The following RAVER2 variants were observed in gnomAD, a reference collection of about 807,000 sequenced individuals.
The protein encoded by RAVER2 is ribonucleoprotein PTB-binding 2.
A neutral mutation model predicts 78.1 loss-of-function variants in RAVER2; 46 were observed. That is an observed-to-expected ratio of 0.59 (90% CI 0.46 to 0.75). RAVER2 has a LOEUF of 0.75. RAVER2 is among the 30% of genes least tolerant of loss of function. The probability of loss-of-function intolerance (pLI) is 0.00; values close to 1 mark genes in which losing one functional copy is unlikely to be tolerated. For synonymous variants in RAVER2, 311 were observed against 313.3 expected, an observed-to-expected ratio of 0.99 and a Z score of 0.08; for missense variants, 793 against 837.5, an observed-to-expected ratio of 0.95 and a Z score of 0.66.
chr1:64,760,988 T>G (rs1652004436), intron 1 of RAVER2, among the ~76,000 whole-genome samples: 2 of 152,178 alleles, frequency 1.3e-5, no homozygotes, highest in Admixed American at 6.5e-5. Flanking sequence ...GTCACTTAGT[T>G]TTTCTAGGCC....
At chr1:64,763,200 G>A (rs993565334) in intron 1 of RAVER2, among the ~76,000 whole-genome samples, 2 of 152,136 alleles carry the variant, frequency 1.3e-5, no homozygotes, top group African/African-American at 4.8e-5. Context: ...AGGAGGCTGA[G>A]GCAGGAGAAT....
At chr1:64,830,908 G>A (rs546314803) in exon 12 of RAVER2, 1 of 1,613,672 alleles carries the variant, frequency 6.2e-7, no homozygotes, top group Non-Finnish European at 8.5e-7. Context: ...TGGTTCAGTG[G>A]AATGTGTTGA....
intron 11 of RAVER2, among the ~76,000 whole-genome samples, chr1:64,823,292 C>T (rs890504676): frequency 2.0e-5 from 3 of 152,176 alleles, no homozygotes; most frequent in Non-Finnish European, 4.4e-5. Context: ...AATTAGAAAT[C>T]AGTTTTAAAT....
intron 3 of RAVER2, 86 bp downstream of exon 3, chr1:64,778,178 T>C (rs1218096347): frequency 1.0e-6 from 1 of 987,324 alleles, no homozygotes; most frequent in Non-Finnish European, 1.5e-6. Context: ...TTATCATACC[T>C]GTGTGATTAA....
exon 12 of RAVER2, chr1:64,832,017 T>C (rs1184172483): frequency 6.9e-6 from 1 of 145,940 alleles, no homozygotes; most frequent in Non-Finnish European, 1.5e-5. Flanking sequence ...CTAATTCTAA[T>C]AGCAACTATT....
chr1:64,777,258 A>G (rs17126973), intron 2 of RAVER2, among the ~76,000 whole-genome samples: 3,170 of 152,262 alleles, frequency 0.021, 114 homozygotes, highest in African/African-American at 0.073. Context: ...AAGTCTTCAT[A>G]AAATTTTATA....
intron 2 of RAVER2, among the ~76,000 whole-genome samples, chr1:64,773,772 G>A (rs970350676): frequency 5.9e-5 from 9 of 152,182 alleles, no homozygotes; most frequent in Non-Finnish European, 1.3e-4. Flanking sequence ...TTCCACAGTG[G>A]TTGAACTAAT....
chr1:64,764,909 A>G (rs1652133528), intron 1 of RAVER2, among the ~76,000 whole-genome samples: 1 of 152,358 alleles, frequency 6.6e-6, no homozygotes, highest in Non-Finnish European at 1.5e-5. Context: ...GATTATAGAT[A>G]TTAACCACAT....
intron 2 of RAVER2, 57 bp from the exon 3 acceptor site, chr1:64,777,566 T>G: frequency 7.1e-7 from 1 of 1,400,378 alleles, no homozygotes; most frequent in Non-Finnish European, 9.8e-7. Flanking sequence ...AAGATATATT[T>G]CTTACTGTGT....
At chr1:64,778,494 G>A (rs999345930) in intron 3 of RAVER2, among the ~76,000 whole-genome samples, 11 of 152,202 alleles carry the variant, frequency 7.2e-5, no homozygotes, top group Middle Eastern at 6.8e-3. Context: ...AGAAGAGACG[G>A]ACAAGTAAGC....
chr1:64,778,317 A>G (rs1259350050), intron 3 of RAVER2, among the ~76,000 whole-genome samples: 3 of 152,140 alleles, frequency 2.0e-5, no homozygotes, highest in Non-Finnish European at 4.4e-5. Context: ...TAGCAAATCC[A>G]TTGCTTACTC....
chr1:64,785,460 G>A (rs12117665), intron 4 of RAVER2, among the ~76,000 whole-genome samples: 29,666 of 150,052 alleles, frequency 0.2, 3,123 homozygotes, highest in East Asian at 0.28. Context: ...ACCTCCGCCT[G>A]CCGGGTTCAA....
rs374668772 is a variant in RAVER2, at chr1:64,770,562, G to A, written c.316+1840G>A. Among the ~76,000 whole-genome samples, 363 of 152,060 alleles carry A rather than the reference G, an allele frequency of 2.4e-3. 3 individuals carry two copies. Among genetic ancestry groups the A allele is most frequent in the African/African-American group, 8.4e-3 (349 of 41,518 alleles). On this transcript the variant is annotated intron_variant, in intron 2 of 11. Coordinates refer to ENST00000294428, the Ensembl canonical transcript of RAVER2. Reference sequence around the variant, plus strand: ...ATGTCAGACATCCAATAAAAAAGTAGCAGACATGATGAAGAAGCAGGAAAA... The same window carrying A: ...ATGTCAGACATCCAATAAAAAAGTAACAGACATGATGAAGAAGCAGGAAAA...
At chr1:64,804,557 C>T (rs1653358486) in intron 6 of RAVER2, among the ~76,000 whole-genome samples, 177 bp from the exon 7 acceptor site, 1 of 152,100 alleles carries the variant, frequency 6.6e-6, no homozygotes, top group African/African-American at 2.4e-5. Context: ...GCATGGCCCC[C>T]TCTTGTGTAT....
exon 12 of RAVER2, chr1:64,830,890 C>T (rs1457474075): frequency 6.2e-7 from 1 of 1,612,584 alleles, no homozygotes; most frequent in Non-Finnish European, 8.5e-7. Flanking sequence ...CATCTCTGCC[C>T]CAGAAGGTGG....
exon 12 of RAVER2, chr1:64,831,391 C>T (rs545723434): frequency 6.5e-6 from 1 of 154,050 alleles, no homozygotes; most frequent in East Asian, 1.9e-4. Context: ...AATTTACTTT[C>T]CCTAGAAGTA....
rs1264477872 is a variant in RAVER2 at position 64,822,261 on chromosome 1, C to T, written c.1929+7421C>T. On this transcript the variant is annotated intron_variant, in intron 11 of 11. Transcript: ENST00000294428. ...CAAGATTGCGCCACTGCACTCCAGC[C>T]CAGGTGACAGAGCGAGACTCCGTCT... 2.0e-5 allele frequency among the ~76,000 whole-genome samples: 3 copies of T among 152,084 alleles called. No individual in the cohort carries two copies. In the East Asian group the frequency reaches 5.8e-4, roughly 29 times the overall value.
chr1:64,788,619 C>T (rs547647186), intron 4 of RAVER2, among the ~76,000 whole-genome samples: 185 of 148,666 alleles, frequency 1.2e-3, no homozygotes, highest in Non-Finnish European at 2.0e-3. Context: ...GGTGAAACCC[C>T]GTCTCCACTA....
Position 64,775,154 on chromosome 1 carries a change from C to T in RAVER2, c.317-2469C>T, listed in dbSNP as rs547305995. On this transcript the variant is annotated intron_variant, in intron 2 of 11. Coordinates refer to ENST00000294428, the Ensembl canonical transcript of RAVER2. ...GAATTTGACTTCCTCTTTTCCTAAT[C>T]GTTTTGTTTTTTGGCAGAGATAGGA... Among the ~76,000 whole-genome samples, 30 of 151,916 alleles carry T rather than the reference C, an allele frequency of 2.0e-4. No individual in the cohort carries two copies. The South Asian group carries it at 3.1e-3, about 16-fold the overall frequency.
Sources: allele counts gnomAD v4.1 joint callset (sites outside exome capture counted in the v4.1 genomes callset), GRCh38; gene constraint gnomAD v4.1.1; transcripts MANE v1.5; gene names NCBI Gene and HGNC (gene_info 2026-07-23, HGNC 2026-07-21).